HS3ST5: variants seen among roughly 807,000 people sequenced by gnomAD.
The protein encoded by HS3ST5 is heparan sulfate-glucosamine 3-sulfotransferase 5, also known as heparan sulfate glucosamine 3-O-sulfotransferase 5.
A neutral mutation model predicts 25.4 loss-of-function variants in HS3ST5; 10 were observed. That is an observed-to-expected ratio of 0.39 (90% CI 0.24 to 0.67). HS3ST5 has a LOEUF of 0.67. Among genes scored for constraint, HS3ST5 ranks in the 30% least tolerant of loss-of-function variants. The probability of loss-of-function intolerance (pLI) is 0.44; values close to 1 mark genes in which losing one functional copy is unlikely to be tolerated. For missense variants in HS3ST5, 324 were observed against 420.7 expected (o/e 0.77, Z 2.01); for synonymous variants, 170 against 162.4 (o/e 1.05, Z -0.36).
chr6:114,141,455 G>T (rs1049904254), intron 3 of HS3ST5, among the ~76,000 whole-genome samples: 3 of 152,146 alleles, frequency 2.0e-5, no homozygotes, highest in Non-Finnish European at 2.9e-5. Flanking sequence ...GTAAGAAAAA[G>T]TTCCATAAGG....
At chr6:114,205,502 T>C (rs1781233919) in intron 2 of HS3ST5, among the ~76,000 whole-genome samples, 1 of 152,166 alleles carries the variant, frequency 6.6e-6, no homozygotes, top group African/African-American at 2.4e-5. Flanking sequence ...GGACTCTTAG[T>C]CTTGAAGTCT....
At chr6:114,173,530 C>T (rs577472462) in intron 2 of HS3ST5, among the ~76,000 whole-genome samples, 225 of 152,282 alleles carry the variant, frequency 1.5e-3, no homozygotes, top group African/African-American at 5.2e-3. Context: ...TGAGCTACTT[C>T]TTAATTAAAT....
chr6:114,165,018 G>A (rs891768855), intron 3 of HS3ST5, among the ~76,000 whole-genome samples: 1 of 152,168 alleles, frequency 6.6e-6, no homozygotes, highest in Admixed American at 6.6e-5. Context: ...GTTCCAAGAA[G>A]CACTGGGCTG....
intron 3 of HS3ST5, among the ~76,000 whole-genome samples, chr6:114,094,163 G>A (rs766668486): frequency 2.6e-5 from 4 of 152,148 alleles, no homozygotes; most frequent in Non-Finnish European, 5.9e-5. Flanking sequence ...AAAGTTGTTA[G>A]GACTTAGAAG....
At chr6:114,329,410 T>C (rs1776300829) in intron 1 of HS3ST5, among the ~76,000 whole-genome samples, 1 of 152,186 alleles carries the variant, frequency 6.6e-6, no homozygotes, top group South Asian at 2.1e-4. Context: ...CTAAAAGCAA[T>C]GTCAGGACAA....
At chr6:114,253,491 A>G (rs1182310827) in intron 1 of HS3ST5, among the ~76,000 whole-genome samples, 6 of 152,172 alleles carry the variant, frequency 3.9e-5, no homozygotes, top group Non-Finnish European at 8.8e-5. Flanking sequence ...ACTGTAATTT[A>G]AATCTGAAGA....
chr6:114,225,919 A>C (rs1771253075), intron 2 of HS3ST5, among the ~76,000 whole-genome samples: 3 of 151,972 alleles, frequency 2.0e-5, no homozygotes, highest in Non-Finnish European at 4.4e-5. Context: ...CATAAGGGCC[A>C]GGTTTTATCT....
intron 1 of HS3ST5, among the ~76,000 whole-genome samples, chr6:114,254,397 G>A (rs751142712): frequency 8.5e-5 from 13 of 152,236 alleles, no homozygotes; most frequent in East Asian, 3.9e-4. Flanking sequence ...ATTCATACCC[G>A]TAGGGGTGCT....
chr6:114,198,484 C>A (rs574222256), intron 2 of HS3ST5, among the ~76,000 whole-genome samples: 1 of 152,300 alleles, frequency 6.6e-6, no homozygotes, highest in African/African-American at 2.4e-5. Context: ...ACATAGTCAT[C>A]AGAATTTCCA....
Position 114,164,843 on chromosome 6 carries a change from A to C in HS3ST5, c.-33+3508T>G, listed in dbSNP as rs188431088. Among the ~76,000 whole-genome samples the C allele has an allele frequency of 2.7e-3, 411 of 152,312 alleles. 2 individuals are homozygous for C. Among genetic ancestry groups the C allele is most frequent in the African/African-American group, 9.7e-3 (403 of 41,566 alleles). On this transcript the variant is annotated intron_variant, in intron 3 of 4. Transcript: ENST00000312719. ...AGTGCTAAGAAACAGAAAGCACCTCACAGTTTTATAAGACTGAGCCATTTT... is the reference window on the plus strand; with the variant it reads ...AGTGCTAAGAAACAGAAAGCACCTCCCAGTTTTATAAGACTGAGCCATTTT...
At chr6:114,100,729 G>T (rs1582600604) in intron 3 of HS3ST5, among the ~76,000 whole-genome samples, 1 of 152,152 alleles carries the variant, frequency 6.6e-6, no homozygotes, top group East Asian at 1.9e-4. Flanking sequence ...ATTTGAAGAA[G>T]GTGACAGTTG....
intron 3 of HS3ST5, among the ~76,000 whole-genome samples, chr6:114,070,137 A>T (rs191408471): frequency 2.6e-4 from 40 of 151,854 alleles, no homozygotes; most frequent in African/African-American, 9.2e-4. Context: ...CCATTCTATC[A>T]CTCTCATGCC....
At chr6:114,203,357 G>A (rs1479861153) in intron 2 of HS3ST5, among the ~76,000 whole-genome samples, 1 of 152,056 alleles carries the variant, frequency 6.6e-6, no homozygotes, top group African/African-American at 2.4e-5. Context: ...CTCCCTCCTT[G>A]CTTGGAGACT....
intron 1 of HS3ST5, among the ~76,000 whole-genome samples, chr6:114,285,825 A>T (rs1034122947): frequency 5.9e-5 from 9 of 152,180 alleles, no homozygotes; most frequent in Admixed American, 5.9e-4. Context: ...CTTAAAATAA[A>T]ATAAAATTTA....
chr6:114,260,657 A>G (rs1427578623), intron 1 of HS3ST5, among the ~76,000 whole-genome samples: 1 of 152,198 alleles, frequency 6.6e-6, no homozygotes, highest in Non-Finnish European at 1.5e-5. Flanking sequence ...CAGACCCCAG[A>G]TTATTTTAAT....
At chr6:114,171,854 A>G (rs576850824) in intron 2 of HS3ST5, among the ~76,000 whole-genome samples, 3 of 152,300 alleles carry the variant, frequency 2.0e-5, no homozygotes, top group Admixed American at 1.3e-4. Context: ...GTAATAGTGT[A>G]AATTAAAGAA....
chr6:114,317,814 C>A, intron 1 of HS3ST5, among the ~76,000 whole-genome samples: 1 of 98,460 alleles, frequency 1.0e-5, no homozygotes, highest in Non-Finnish European at 2.1e-5. Flanking sequence ...GGGGGGTAGG[C>A]TGGAGGGCGG....
chr6:114,166,662 T>G (rs1169647343), intron 3 of HS3ST5, among the ~76,000 whole-genome samples: 1 of 152,126 alleles, frequency 6.6e-6, no homozygotes, highest in African/African-American at 2.4e-5. Context: ...AACCTAGGAA[T>G]GAGAGGTTAA....
chr6:114,305,670 GCCTTCT>G (rs1005009860), intron 1 of HS3ST5, among the ~76,000 whole-genome samples: 8 of 152,106 alleles, frequency 5.3e-5, no homozygotes, highest in Admixed American at 2.6e-4. Context: ...AAGAAAAGTT[GCCTTCT>G]CCTTCTCCTG....
Sources: allele counts gnomAD v4.1 joint callset (sites outside exome capture counted in the v4.1 genomes callset), GRCh38; gene constraint gnomAD v4.1.1; transcripts MANE v1.5; gene names NCBI Gene and HGNC (gene_info 2026-07-23, HGNC 2026-07-21).